The following LY6S variants were observed in gnomAD, a reference collection of about 807,000 sequenced individuals.
The protein encoded by LY6S is lymphocyte antigen 6 family member S.
At chr8:143,050,778 C>T in the LY6S span, among the ~76,000 whole-genome samples, 9 of 152,142 alleles carry the variant, frequency 5.9e-5, no homozygotes, top group South Asian at 2.1e-4. Flanking sequence ...GAATGGCTCA[C>T]GGATGGAAGT....
the LY6S span, among the ~76,000 whole-genome samples, chr8:143,050,926 C>G: frequency 1.3e-5 from 2 of 152,196 alleles, no homozygotes; most frequent in Admixed American, 1.3e-4. Flanking sequence ...GGCTCGGGGT[C>G]GGGGAAAGGC....
At chr8:143,057,602 G>C in the LY6S span, 2,354 of 1,294,426 alleles carry the variant, frequency 1.8e-3, 18 homozygotes, top group South Asian at 8.2e-3. Flanking sequence ...CTGAATGAGA[G>C]GGTCCCCAGT....
chr8:143,065,949 C>A, the LY6S span: 3 of 302,326 alleles, frequency 9.9e-6, no homozygotes, highest in East Asian at 9.5e-5. Flanking sequence ...TGGGGCAGCA[C>A]CCACAGGTCT....
At chr8:143,051,006 C>T in the LY6S span, among the ~76,000 whole-genome samples, 2 of 152,220 alleles carry the variant, frequency 1.3e-5, no homozygotes, top group Non-Finnish European at 2.9e-5. Context: ...TTGGAAAGAA[C>T]AGGTCTTCTA....
chr8:143,076,028 A>G, the LY6S span, among the ~76,000 whole-genome samples: 12 of 152,316 alleles, frequency 7.9e-5, no homozygotes, highest in Middle Eastern at 3.4e-3. Context: ...TGCCTTGAAA[A>G]AAAATGAAAA....
chr8:143,057,282 C>G, the LY6S span: 1 of 220,302 alleles, frequency 4.5e-6, no homozygotes, highest in Non-Finnish European at 8.8e-6. Flanking sequence ...TGGAGTCTTG[C>G]TCTGTCACGC....
chr8:143,068,105 G>C, the LY6S span, among the ~76,000 whole-genome samples: 2 of 152,272 alleles, frequency 1.3e-5, no homozygotes, highest in African/African-American at 2.4e-5. Flanking sequence ...CTGTCTCAGT[G>C]GGGGGAAACC....
the LY6S span, among the ~76,000 whole-genome samples, chr8:143,056,906 C>T: frequency 5.3e-5 from 8 of 152,058 alleles, no homozygotes; most frequent in African/African-American, 1.9e-4. Context: ...ACTCATCTGG[C>T]ACATCCTTAG....
At chr8:143,070,318 G>C in the LY6S span, among the ~76,000 whole-genome samples, 1 of 146,392 alleles carries the variant, frequency 6.8e-6, no homozygotes, top group Non-Finnish European at 1.5e-5. Context: ...GAATTTGAGG[G>C]GGGCACAGTT....
chr8:143,068,368 T>G, the LY6S span, among the ~76,000 whole-genome samples: 1 of 152,196 alleles, frequency 6.6e-6, no homozygotes. Flanking sequence ...AGAACAATTT[T>G]TCCTAGTACA....
At chr8:143,075,588 C>A in the LY6S span, among the ~76,000 whole-genome samples, 1 of 152,052 alleles carries the variant, frequency 6.6e-6, no homozygotes, top group East Asian at 1.9e-4. This position sits in a 1 kb window ranked among gnomAD's most constrained non-coding sequence, Gnocchi z 4.1. Flanking sequence ...ACTGTACTCC[C>A]AGCTACTTAG....
the LY6S span, among the ~76,000 whole-genome samples, chr8:143,069,546 C>A: frequency 6.6e-6 from 1 of 152,308 alleles, no homozygotes; most frequent in Non-Finnish European, 1.5e-5. Context: ...AACAGCCCGG[C>A]CATAGTTGCG....
At chr8:143,051,163 C>G in the LY6S span, among the ~76,000 whole-genome samples, 1 of 152,294 alleles carries the variant, frequency 6.6e-6, no homozygotes, top group East Asian at 1.9e-4. Context: ...CAAGGGCTGA[C>G]AGGAAAGCTA....
At chr8:143,043,256 G>C in the LY6S span, 1 of 1,363,356 alleles carries the variant, frequency 7.3e-7, no homozygotes. Flanking sequence ...AGTCCACAAC[G>C]GCACTTGTAA....
the LY6S span, among the ~76,000 whole-genome samples, chr8:143,060,915 T>C: frequency 2.6e-5 from 4 of 151,478 alleles, no homozygotes; most frequent in Non-Finnish European, 2.9e-5. Context: ...TCTAAGAATA[T>C]AACAAAAGAA....
At chr8:143,065,154 G>T in the LY6S span, among the ~76,000 whole-genome samples, 1 of 152,162 alleles carries the variant, frequency 6.6e-6, no homozygotes, top group Non-Finnish European at 1.5e-5. Flanking sequence ...TGGACTCTGT[G>T]ACTCCTCAGC....
At chr8:143,052,906 C>A in the LY6S span, among the ~76,000 whole-genome samples, 1 of 152,190 alleles carries the variant, frequency 6.6e-6, no homozygotes, top group East Asian at 1.9e-4. Flanking sequence ...CCCTCCCTCA[C>A]CTTAGACCTG....
At chr8:143,060,702 G>A in the LY6S span, among the ~76,000 whole-genome samples, 1 of 152,080 alleles carries the variant, frequency 6.6e-6, no homozygotes, top group African/African-American at 2.4e-5. Flanking sequence ...GGTCCCCAGG[G>A]CCCAGCTGTC....
chr8:143,045,524 C>T, the LY6S span, among the ~76,000 whole-genome samples: 4 of 152,186 alleles, frequency 2.6e-5, no homozygotes, highest in Admixed American at 2.0e-4. This position sits in a 1 kb window ranked among gnomAD's most constrained non-coding sequence, Gnocchi z 5.3. Context: ...GCCTCACGCC[C>T]CCACCCCAGT....
Sources: gnomAD v4.1 joint callset for allele counts (sites outside exome capture counted in the v4.1 genomes callset) on GRCh38, gnomAD v4.1.1 for gene constraint, Gnocchi (gnomAD v3.1) non-coding constraint, MANE v1.5 for transcripts, NCBI Gene and HGNC (gene_info 2026-07-23, HGNC 2026-07-21) for gene names.